The following MYO3B variants were observed in gnomAD, a reference collection of about 807,000 sequenced individuals.
The protein encoded by MYO3B is myosin IIIB.
Under a neutral mutation model 174.6 loss-of-function variants are expected in MYO3B, and 156 were observed. The observed-to-expected ratio is 0.89, with a 90% CI of 0.78 to 1.02. MYO3B has a LOEUF of 1.02. Among genes scored for constraint, MYO3B ranks in the 50% least tolerant of loss-of-function variants. The pLI is 0.00. For missense variants in MYO3B, 1,632 were observed against 1,639.4 expected (o/e 1.00, Z 0.08); for synonymous variants, 563 against 569.1 (o/e 0.99, Z 0.15).
intron 3 of MYO3B, among the ~76,000 whole-genome samples, chr2:170,205,308 A>G (rs1194205927): frequency 6.6e-6 from 1 of 152,224 alleles, no homozygotes; most frequent in Non-Finnish European, 1.5e-5. Flanking sequence ...AAATGGCCAC[A>G]CTTAAAGTAG....
Position 170,329,259 on chromosome 2 carries a change from G to GTA in MYO3B, c.750-6117_750-6116dup, listed in dbSNP as rs140076957. On this transcript the variant is annotated intron_variant, in intron 7 of 34. Transcript: ENST00000408978. ...TGTGTGTGTGTGTGTGTGTGTGTGT[G>GTA]TATATATATAAAATATTTATAGCAG... Among the ~76,000 whole-genome samples, 333 of 149,260 alleles carry GTA rather than the reference G, an allele frequency of 2.2e-3. 2 individuals are homozygous for GTA. Among genetic ancestry groups the GTA allele is most frequent in the East Asian group, 0.016 (83 of 5,110 alleles).
intron 25 of MYO3B, 79 bp from the exon 26 acceptor site, chr2:170,498,513 G>A (rs1687024130): frequency 1.1e-6 from 1 of 925,076 alleles, no homozygotes; most frequent in Admixed American, 2.1e-5. Context: ...AACAAGGTGT[G>A]TCAATGGTCC....
At chr2:170,458,338 T>C (rs1292487002) in intron 23 of MYO3B, among the ~76,000 whole-genome samples, 3 of 152,242 alleles carry the variant, frequency 2.0e-5, no homozygotes, top group Non-Finnish European at 4.4e-5. Flanking sequence ...CCTACTTCTA[T>C]GGCACATGAG....
chr2:170,398,223 C>T (rs1477873597), intron 16 of MYO3B, among the ~76,000 whole-genome samples: 1 of 28,544 alleles, frequency 3.5e-5, no homozygotes. Context: ...AACTCTGTCT[C>T]AAAAGAAAAA....
chr2:170,189,251 T>C (rs1034253519), intron 1 of MYO3B, among the ~76,000 whole-genome samples: 4 of 152,140 alleles, frequency 2.6e-5, no homozygotes, highest in Admixed American at 6.5e-5. Context: ...GTAGGATCTT[T>C]TCTTTATTTT....
At chr2:170,433,628 C>G (rs2094728527) in intron 22 of MYO3B, among the ~76,000 whole-genome samples, 1 of 152,132 alleles carries the variant, frequency 6.6e-6, no homozygotes, top group Non-Finnish European at 1.5e-5. Context: ...TTAGAAAGTC[C>G]TTGGAAACAG....
At chr2:170,255,343 C>G (rs556141497) in intron 7 of MYO3B, among the ~76,000 whole-genome samples, 59 of 152,212 alleles carry the variant, frequency 3.9e-4, no homozygotes, top group Non-Finnish European at 6.8e-4. Context: ...GCTCCTCCCC[C>G]CTTCCCTCAC....
chr2:170,297,366 T>A (rs2093635742), intron 7 of MYO3B, among the ~76,000 whole-genome samples: 1 of 152,114 alleles, frequency 6.6e-6, no homozygotes, highest in African/African-American at 2.4e-5. Context: ...TTGTATACCT[T>A]GTAAAAAGAG....
At chr2:170,635,448 A>G (rs1321861715) in intron 32 of MYO3B, among the ~76,000 whole-genome samples, 1 of 150,756 alleles carries the variant, frequency 6.6e-6, no homozygotes, top group Non-Finnish European at 1.5e-5. Flanking sequence ...AACATCACAC[A>G]CCAGGGGCCT....
intron 32 of MYO3B, among the ~76,000 whole-genome samples, chr2:170,559,637 G>A (rs994256447): frequency 3.3e-5 from 5 of 151,960 alleles, no homozygotes; most frequent in African/African-American, 1.2e-4. Context: ...GGATAATGAC[G>A]GGAGGGAGAA....
At chr2:170,200,603 AT>A (rs1456989505) in intron 3 of MYO3B, among the ~76,000 whole-genome samples, 1 of 152,190 alleles carries the variant, frequency 6.6e-6, no homozygotes, top group African/African-American at 2.4e-5. Context: ...ATTGCAACTC[AT>A]TTTCAAAAAT....
intron 6 of MYO3B, 103 bp from the exon 7 acceptor site, chr2:170,235,888 G>A: frequency 7.2e-7 from 1 of 1,391,496 alleles, no homozygotes; most frequent in Non-Finnish European, 1.0e-6. Flanking sequence ...ATATCATCGT[G>A]GCCAAGAAAA....
At chr2:170,632,652 T>G (rs1175989865) in intron 32 of MYO3B, among the ~76,000 whole-genome samples, 1 of 151,582 alleles carries the variant, frequency 6.6e-6, no homozygotes, top group Non-Finnish European at 1.5e-5. Context: ...CTGAAAGAGA[T>G]AGAGACACAA....
Position 170,231,484 on chromosome 2 carries a change from T to C in MYO3B, c.604-4507T>C, listed in dbSNP as rs115672481. On this transcript the variant is annotated intron_variant, in intron 6 of 34. Transcript: ENST00000408978. ...CACTAAAGCTGCCAGTGCATAGATA[T>C]TGCTAGTAATCCAGCATTAGTGTTT... is the stretch of plus-strand genomic sequence containing the variant. 5.5e-3 allele frequency among the ~76,000 whole-genome samples: 842 copies of C among 152,366 alleles called. 5 individuals carry two copies. The highest frequency in any genetic ancestry group is 0.019 in the African/African-American group (796 of 41,582).
At chr2:170,386,800 A>G (rs557242594) in intron 13 of MYO3B, among the ~76,000 whole-genome samples, 2 of 152,360 alleles carry the variant, frequency 1.3e-5, no homozygotes, top group East Asian at 1.9e-4. Context: ...TAAATGCCAG[A>G]AAAGTTACGG....
intron 25 of MYO3B, among the ~76,000 whole-genome samples, chr2:170,485,761 C>T (rs904435700): frequency 1.3e-5 from 2 of 152,104 alleles, no homozygotes; most frequent in African/African-American, 2.4e-5. Flanking sequence ...ATGATGTGCT[C>T]CAGAGACTCC....
chr2:170,252,595 G>A (rs1250465848), intron 7 of MYO3B, among the ~76,000 whole-genome samples: 3 of 152,048 alleles, frequency 2.0e-5, no homozygotes, highest in East Asian at 1.9e-4. Flanking sequence ...AACAGTCCCT[G>A]TCCTCTTGGA....
At chr2:170,630,069 C>T (rs967203421) in intron 32 of MYO3B, among the ~76,000 whole-genome samples, 2 of 152,220 alleles carry the variant, frequency 1.3e-5, no homozygotes, top group African/African-American at 4.8e-5. Context: ...AAAGTGGGTG[C>T]AGCCCATGGA....
intron 7 of MYO3B, among the ~76,000 whole-genome samples, chr2:170,314,825 C>G (rs1375137102): frequency 6.6e-6 from 1 of 152,158 alleles, no homozygotes; most frequent in African/African-American, 2.4e-5. Context: ...GAGTGAATCT[C>G]TAGAATTAGA....
Sources: gnomAD v4.1 joint callset for allele counts (sites outside exome capture counted in the v4.1 genomes callset) on GRCh38, gnomAD v4.1.1 for gene constraint, MANE v1.5 for transcripts, NCBI Gene and HGNC (gene_info 2026-07-23, HGNC 2026-07-21) for gene names.